ARL15: variants seen among roughly 807,000 people sequenced by gnomAD.
ARL15 encodes the protein ARF like GTPase 15.
In ARL15, 19 loss-of-function variants were observed where a neutral mutation model predicts 25.2. The ratio of observed to expected loss-of-function variants is 0.75; its 90% CI spans 0.53 to 1.10. ARL15 has a LOEUF of 1.10. Among genes scored for constraint, ARL15 ranks in the 50% least tolerant of loss-of-function variants. ARL15 has a pLI of 0.00. For synonymous variants in ARL15, 94 were observed against 86.8 expected, an observed-to-expected ratio of 1.08 and a Z score of -0.46; for missense variants, 220 against 246.0, an observed-to-expected ratio of 0.89 and a Z score of 0.71.
Position 54,134,527 on chromosome 5 carries a change from T to C in ARL15, c.253+20053A>G, listed in dbSNP as rs569264793. Among the ~76,000 whole-genome samples the C allele has an allele frequency of 3.3e-5, 5 of 151,454 alleles. No individual in the cohort carries two copies. In the East Asian group the frequency reaches 9.8e-4, roughly 30 times the overall value. ...TTACAGTTTTATAATTACATGTCTA[T>C]TATTCCCTATAGCCTGTGAGCTCCC... On this transcript the variant is annotated intron_variant, in intron 3 of 4. Transcript: ENST00000504924.
Position 53,884,507 on chromosome 5 carries a change from CAAAG to C in ARL15, c.*2050_*2053del, listed in dbSNP as rs1744455266. 6.6e-6 allele frequency: 1 copy of C among 151,980 alleles called. No homozygotes were observed. The highest frequency in any genetic ancestry group is 2.4e-5 in the African/African-American group (1 of 41,368). 9.4% of individuals were successfully genotyped at this position (151,980 alleles called of 1,614,324 possible). On this transcript the variant is annotated 3_prime_UTR_variant, in exon 5 of 5. Transcript: ENST00000504924. The stretch of plus-strand genomic sequence containing the variant: ...AGACAGCGAGCTCCGACCTGCTAGA[CAAAG>C]AGGGAGCCTTATTGACAGTTGTAAA...
chr5:53,909,496 C>T (rs1419342830), intron 4 of ARL15, among the ~76,000 whole-genome samples: 1 of 152,186 alleles, frequency 6.6e-6, no homozygotes, highest in Admixed American at 6.5e-5. Context: ...CACCTGAGGT[C>T]AGGAGTTCGA....
chr5:54,081,130 G>C (rs1050819117), intron 4 of ARL15, among the ~76,000 whole-genome samples: 12 of 152,154 alleles, frequency 7.9e-5, no homozygotes, highest in Non-Finnish European at 1.6e-4. Context: ...TGAACTGGGG[G>C]AAGGGCACAA....
intron 4 of ARL15, among the ~76,000 whole-genome samples, chr5:53,958,969 T>A (rs1388307523): frequency 6.6e-6 from 1 of 152,128 alleles, no homozygotes; most frequent in Non-Finnish European, 1.5e-5. Context: ...ATTGGGGACA[T>A]CAATACCTCA....
rs142159142 is a variant in ARL15, at chr5:54,050,154, T to A, written c.462+63048A>T. 2.6e-3 allele frequency among the ~76,000 whole-genome samples: 392 copies of A among 152,342 alleles called. 2 individuals carry two copies. The highest frequency in any genetic ancestry group is 9.2e-3 in the African/African-American group (383 of 41,586). On this transcript the variant is annotated intron_variant, in intron 4 of 4. Coordinates refer to ENST00000504924, the MANE Select transcript of ARL15 (RefSeq NM_019087.3). ...TAGCAGCAGCTACATATCCTTTGCA[T>A]GACAGTGTAATTTCTTCTGCCTTAA...
At chr5:54,229,955 A>G (rs1158853855) in intron 1 of ARL15, among the ~76,000 whole-genome samples, 1 of 152,196 alleles carries the variant, frequency 6.6e-6, no homozygotes, top group Non-Finnish European at 1.5e-5. Context: ...TGAGGCAGCA[A>G]TACGGGGAGT....
At position 54,071,467 on chromosome 5, in the gene ARL15, A is replaced by ATT. The variant is rs77676192; in HGVS notation, c.462+41733_462+41734dup. Among the ~76,000 whole-genome samples, 27 of 144,254 alleles carry ATT rather than the reference A, an allele frequency of 1.9e-4. 1 individual carries two copies. Among genetic ancestry groups the ATT allele is most frequent in the African/African-American group, 5.2e-4 (20 of 38,828 alleles). 94.6% of individuals were successfully genotyped at this position (144,254 alleles called of 152,430 possible). The stretch of plus-strand genomic sequence containing the variant: ...ACAGTTACAGTTCAGTCTAAATCAG[A>ATT]TTTTTTTTTCAAGTATAGATGCTCT... On this transcript the variant is annotated intron_variant, in intron 4 of 4. Transcript: ENST00000504924.
intron 4 of ARL15, among the ~76,000 whole-genome samples, chr5:53,974,026 G>T (rs1290636742): frequency 6.6e-6 from 1 of 151,784 alleles, no homozygotes; most frequent in Non-Finnish European, 1.5e-5. Context: ...TTGGGTTTGT[G>T]GTCTGTCTGG....
intron 1 of ARL15, among the ~76,000 whole-genome samples, chr5:54,201,019 A>G (rs1319734056): frequency 1.3e-5 from 2 of 151,950 alleles, no homozygotes; most frequent in Non-Finnish European, 2.9e-5. Flanking sequence ...CTTTGTCTCC[A>G]ATTAAATCCC....
chr5:54,137,905 A>T (rs1037053006), intron 3 of ARL15, among the ~76,000 whole-genome samples: 1 of 151,606 alleles, frequency 6.6e-6, no homozygotes, highest in African/African-American at 2.4e-5. Flanking sequence ...GGAAAGTAGG[A>T]TGAGGAAATA....
intron 4 of ARL15, among the ~76,000 whole-genome samples, chr5:54,036,977 A>G (rs1299103718): frequency 6.6e-6 from 1 of 152,130 alleles, no homozygotes; most frequent in African/African-American, 2.4e-5. Flanking sequence ...AAGGAAGAAT[A>G]TATTTTCTTG....
At chr5:54,231,685 G>A (rs1341208169) in intron 1 of ARL15, among the ~76,000 whole-genome samples, 3 of 152,140 alleles carry the variant, frequency 2.0e-5, no homozygotes, top group Admixed American at 6.5e-5. Flanking sequence ...AAGTTTGAGA[G>A]GGTTCAGTTT....
At chr5:54,285,914 G>A (rs1021672654) in intron 1 of ARL15, among the ~76,000 whole-genome samples, 4 of 152,102 alleles carry the variant, frequency 2.6e-5, no homozygotes, top group Non-Finnish European at 5.9e-5. Flanking sequence ...CGCGTGGGTC[G>A]AATCCTTTCT....
intron 4 of ARL15, among the ~76,000 whole-genome samples, chr5:53,973,835 G>A (rs776734875): frequency 2.6e-5 from 4 of 151,966 alleles, no homozygotes; most frequent in Admixed American, 2.0e-4. Context: ...ATTTTAAAAG[G>A]TATAAGCTGA....
intron 1 of ARL15, among the ~76,000 whole-genome samples, chr5:54,271,064 T>TC (rs768818062): frequency 1.3e-5 from 2 of 152,198 alleles, no homozygotes; most frequent in Admixed American, 6.5e-5. Context: ...AAGGTTTACA[T>TC]CAGTGGCTCC....
chr5:54,089,055 G>A (rs145272311), intron 4 of ARL15, among the ~76,000 whole-genome samples: 91 of 152,244 alleles, frequency 6.0e-4, no homozygotes, highest in African/African-American at 2.0e-3. Context: ...TCAAAAAGAA[G>A]TAACTTGGTA....
At chr5:54,142,794 C>T (rs2112314988) in intron 3 of ARL15, among the ~76,000 whole-genome samples, 1 of 152,254 alleles carries the variant, frequency 6.6e-6, no homozygotes, top group South Asian at 2.1e-4. Flanking sequence ...ACCAATTTTC[C>T]TTTTATGGAT....
chr5:53,932,466 A>G (rs1746222829), intron 4 of ARL15, among the ~76,000 whole-genome samples: 2 of 152,190 alleles, frequency 1.3e-5, no homozygotes, highest in Admixed American at 1.3e-4. Context: ...TGGACCTACT[A>G]TTCCCAATCT....
At chr5:54,179,066 TA>T (rs1316986222) in intron 1 of ARL15, among the ~76,000 whole-genome samples, 1 of 152,170 alleles carries the variant, frequency 6.6e-6, no homozygotes, top group Non-Finnish European at 1.5e-5. Flanking sequence ...TCAAAGAAGT[TA>T]AGTAACTTGC....
Sources: gnomAD v4.1 joint callset for allele counts (sites outside exome capture counted in the v4.1 genomes callset) on GRCh38, gnomAD v4.1.1 for gene constraint, MANE v1.5 for transcripts, NCBI Gene and HGNC (gene_info 2026-07-23, HGNC 2026-07-21) for gene names.